The following DSCAML1 variants were observed in gnomAD, a reference collection of about 807,000 sequenced individuals.
DSCAML1 encodes cell adhesion molecule DSCAML1.
In DSCAML1, 38 loss-of-function variants were observed where a neutral mutation model predicts 200.5. That is an observed-to-expected ratio of 0.19 (90% CI 0.15 to 0.25). DSCAML1 has a LOEUF of 0.25. DSCAML1 is among the 10% of genes least tolerant of loss of function. DSCAML1 has a pLI of 1.00. For synonymous variants in DSCAML1, 1,215 were observed against 1,165.0 expected (o/e 1.04, Z -0.87); for missense variants, 2,223 against 2,858.8 (o/e 0.78, Z 5.07).
Position 117,488,540 on chromosome 11 carries a change from GACAC to G in DSCAML1, c.2360-6382_2360-6379del, listed in dbSNP as rs34469901. ...ACAAATCCTGACATGCACAGACACAGACACACACACACACACCACACACAGAGGG... is the reference window on the plus strand; with the variant it reads ...ACAAATCCTGACATGCACAGACACAGACACACACACACCACACACAGAGGG... On this transcript the variant is annotated intron_variant, in intron 11 of 32. Transcript: ENST00000651296. Among the ~76,000 whole-genome samples, 7 of 151,080 alleles carry G rather than the reference GACAC, an allele frequency of 4.6e-5. No homozygotes were observed. In the South Asian group the frequency reaches 6.3e-4, roughly 14 times the overall value.
intron 3 of DSCAML1, among the ~76,000 whole-genome samples, chr11:117,569,032 A>G (rs534000038): frequency 4.5e-4 from 69 of 152,304 alleles, no homozygotes; most frequent in African/African-American, 1.1e-3. Context: ...ATATAGATCA[A>G]TGGAACAGAA....
chr11:117,664,811 C>A (rs2052938972), intron 3 of DSCAML1, among the ~76,000 whole-genome samples: 1 of 152,216 alleles, frequency 6.6e-6, no homozygotes, highest in Admixed American at 6.5e-5. Context: ...CACCCACAGA[C>A]CCATGATGGT....
intron 3 of DSCAML1, among the ~76,000 whole-genome samples, chr11:117,658,144 C>T (rs986962901): frequency 1.3e-5 from 2 of 152,104 alleles, no homozygotes; most frequent in Non-Finnish European, 2.9e-5. Context: ...TCTTTACAAG[C>T]ACAGGACGGA....
At chr11:117,626,207 C>A (rs951732183) in intron 3 of DSCAML1, among the ~76,000 whole-genome samples, 10 of 135,804 alleles carry the variant, frequency 7.4e-5, no homozygotes, top group South Asian at 4.8e-4. Flanking sequence ...AGACCCCCCC[C>A]CCTCCTTCTT....
At chr11:117,530,081 C>A (rs750596843) in intron 4 of DSCAML1, among the ~76,000 whole-genome samples, 9 of 152,078 alleles carry the variant, frequency 5.9e-5, no homozygotes, top group Admixed American at 1.3e-4. Context: ...GTGCCGGGGC[C>A]TCTCTCTTGT....
chr11:117,536,944 T>C (rs2050182701), intron 3 of DSCAML1, among the ~76,000 whole-genome samples: 1 of 152,218 alleles, frequency 6.6e-6, no homozygotes. Flanking sequence ...TGACTTTACG[T>C]ACATTATCTC....
At chr11:117,634,511 T>A (rs1325295811) in intron 3 of DSCAML1, among the ~76,000 whole-genome samples, 1 of 152,318 alleles carries the variant, frequency 6.6e-6, no homozygotes, top group South Asian at 2.1e-4. Flanking sequence ...AGGTAACACA[T>A]GCTGCAAGAT....
At chr11:117,788,309 TTTTG>T (rs776493079) in intron 1 of DSCAML1, among the ~76,000 whole-genome samples, 9 of 151,988 alleles carry the variant, frequency 5.9e-5, no homozygotes, top group Non-Finnish European at 1.2e-4. Context: ...GTTGTTGTTG[TTTTG>T]TTTTTGTTTT....
chr11:117,518,582 G>T lies in DSCAML1; in HGVS notation c.1394C>A (p.Thr465Asn). 1 of 1,614,102 alleles carries T rather than the reference G, an allele frequency of 6.2e-7. No individual in the cohort carries two copies. The highest frequency in any genetic ancestry group is 8.5e-7 in the Non-Finnish European group (1 of 1,180,014). Residue 465 changes from threonine to asparagine, a missense_variant, in exon 7 of 33, where the codon ACC becomes AAC. This residue lies in a region of DSCAML1 where 579 missense variants were observed against 721.5 expected (regional missense o/e 0.80). Coordinates refer to ENST00000651296, the MANE Select transcript of DSCAML1 (RefSeq NM_020693.4). This position sits in a 1 kb window ranked among gnomAD's most constrained non-coding sequence, Gnocchi z 6.3. ...TGTGACGTTCATGTGGCTGATGGTGGTGCCGTCCGACATGGTGTACTGGTT... is the reference window on the plus strand; with the variant it reads ...TGTGACGTTCATGTGGCTGATGGTGTTGCCGTCCGACATGGTGTACTGGTT... ...RTNQYTMSDG[T>N]TISHMNVTGP...
At chr11:117,559,069 G>A (rs2050610564) in intron 3 of DSCAML1, among the ~76,000 whole-genome samples, 1 of 152,098 alleles carries the variant, frequency 6.6e-6, no homozygotes, top group African/African-American at 2.4e-5. Flanking sequence ...AGTTGGGAAG[G>A]ACAACAGACG....
At chr11:117,691,580 A>G (rs867022325) in intron 3 of DSCAML1, among the ~76,000 whole-genome samples, 9 of 152,170 alleles carry the variant, frequency 5.9e-5, no homozygotes, top group East Asian at 1.9e-4. Context: ...AGCCGGGGCT[A>G]CCGAAAGGCA....
chr11:117,438,444 G>A lies in DSCAML1; in HGVS notation c.4244-361C>T, dbSNP rs181309873. ...TAGATCTTCACTAGGATCTAGACAC[G>A]GCCCCCTGAGCAGCAGGCTCAGAAG... is the stretch of plus-strand genomic sequence containing the variant. On this transcript the variant is annotated intron_variant, in intron 24 of 32. Transcript: ENST00000651296. Among the ~76,000 whole-genome samples the A allele has an allele frequency of 6.2e-3, 939 of 152,194 alleles. 9 individuals are homozygous for A. Among genetic ancestry groups the A allele is most frequent in the African/African-American group, 0.021 (878 of 41,524 alleles).
intron 3 of DSCAML1, among the ~76,000 whole-genome samples, chr11:117,603,253 C>T (rs977727648): frequency 6.6e-6 from 1 of 152,220 alleles, no homozygotes; most frequent in Non-Finnish European, 1.5e-5. Flanking sequence ...TGCTGCAATC[C>T]TCATCCTAAA....
At chr11:117,709,594 T>C in intron 3 of DSCAML1, 1 of 419,994 alleles carries the variant, frequency 2.4e-6, no homozygotes, top group Non-Finnish European at 4.7e-6. Context: ...GATTTTTAAA[T>C]GGCTATTTAT....
intron 3 of DSCAML1, among the ~76,000 whole-genome samples, chr11:117,616,587 C>G (rs1201695551): frequency 2.0e-5 from 3 of 152,120 alleles, no homozygotes; most frequent in Non-Finnish European, 4.4e-5. Flanking sequence ...GCAAAAGAAG[C>G]CAGACTCCCA....
At chr11:117,646,135 A>G (rs2052516262) in intron 3 of DSCAML1, among the ~76,000 whole-genome samples, 1 of 148,572 alleles carries the variant, frequency 6.7e-6, no homozygotes, top group Non-Finnish European at 1.5e-5. Context: ...AGACCTTGGA[A>G]GACTCCATTT....
chr11:117,769,353 T>TTA (rs1555029986), intron 3 of DSCAML1, among the ~76,000 whole-genome samples: 16 of 3,106 alleles, frequency 5.2e-3, no homozygotes, highest in Non-Finnish European at 6.0e-3. Context: ...TTTATATATA[T>TTA]TATATATTTT....
intron 20 of DSCAML1, among the ~76,000 whole-genome samples, chr11:117,447,291 C>T (rs573628135): frequency 2.0e-5 from 3 of 152,166 alleles, no homozygotes; most frequent in Admixed American, 1.3e-4. Flanking sequence ...CCGTCACATA[C>T]ACACGAAAAA....
At chr11:117,585,263 T>G (rs1178327332) in intron 3 of DSCAML1, among the ~76,000 whole-genome samples, 2 of 152,134 alleles carry the variant, frequency 1.3e-5, no homozygotes, top group Non-Finnish European at 2.9e-5. Context: ...TTTTTTCTTT[T>G]TTTTTGAGAT....
Sources: gnomAD v4.1 joint callset for allele counts (sites outside exome capture counted in the v4.1 genomes callset) on GRCh38, gnomAD v4.1.1 for gene constraint, gnomAD v4.1.1 regional missense constraint, Gnocchi (gnomAD v3.1) non-coding constraint, MANE v1.5 for transcripts, NCBI Gene and HGNC (gene_info 2026-07-23, HGNC 2026-07-21) for gene names.